The following CFAP161 variants were observed in gnomAD, a reference collection of about 807,000 sequenced individuals.
The protein encoded by CFAP161 is cilia- and flagella-associated protein 161.
A neutral mutation model predicts 29.0 loss-of-function variants in CFAP161; 25 were observed. That is an observed-to-expected ratio of 0.86 (90% CI 0.63 to 1.20). CFAP161 has a LOEUF of 1.20. CFAP161 is among the 50% of genes most tolerant of loss of function. The probability of loss-of-function intolerance (pLI) is 0.00; values close to 1 mark genes in which losing one functional copy is unlikely to be tolerated. For synonymous variants in CFAP161, 116 were observed against 137.4 expected (o/e 0.84, Z 1.09); for missense variants, 367 against 371.9 (o/e 0.99, Z 0.11).
chr15:81,123,552 T>C (rs1420816776), intron 1 of CFAP161, among the ~76,000 whole-genome samples: 1 of 152,218 alleles, frequency 6.6e-6, no homozygotes, highest in Non-Finnish European at 1.5e-5. Flanking sequence ...AATTTTAAAA[T>C]AGTTTTTTTC....
Position 81,148,362 on chromosome 15 carries a change from G to T in CFAP161, c.735G>T (p.Glu245Asp), listed in dbSNP as rs201697249. The T allele has an allele frequency of 6.2e-7, 1 of 1,612,926 alleles. No homozygotes were observed. The highest frequency in any genetic ancestry group is 1.3e-5 in the African/African-American group (1 of 75,032). Residue 245 changes from glutamate (E) to aspartate (D), a missense_variant, in exon 7 of 7, where the codon GAG (glutamate) becomes GAT (aspartate). Coordinates refer to ENST00000286732, the MANE Select transcript of CFAP161 (RefSeq NM_173528.4). ...FLSTYFGKEA[E>D]VVAHTYLDSH... ...GCACCTATTTTGGAAAGGAGGCTGAGGTTGTAGCTCACACATACCTGGATT... is the reference window on the plus strand; with the variant it reads ...GCACCTATTTTGGAAAGGAGGCTGATGTTGTAGCTCACACATACCTGGATT...
intron 5 of CFAP161, among the ~76,000 whole-genome samples, chr15:81,144,693 G>A (rs1894976142): frequency 6.6e-6 from 1 of 151,886 alleles, no homozygotes; most frequent in Admixed American, 6.6e-5. Flanking sequence ...AGGCTGAGGT[G>A]GGAGGATCAC....
At chr15:81,132,567 A>G (rs1894726256), upstream of CFAP161, among the ~76,000 whole-genome samples, 1 of 152,210 alleles carries the variant, frequency 6.6e-6, no homozygotes, top group East Asian at 1.9e-4. Flanking sequence ...AATTGTATAA[A>G]ACACTATGTA....
At chr15:81,116,403 C>T (rs906267821) in intron 1 of CFAP161, among the ~76,000 whole-genome samples, 2 of 152,226 alleles carry the variant, frequency 1.3e-5, no homozygotes, top group African/African-American at 2.4e-5. Flanking sequence ...AAGTGATTCT[C>T]CTGCCTCAGT....
chr15:81,124,146 C>T (rs1158933814), intron 1 of CFAP161, among the ~76,000 whole-genome samples: 1 of 152,112 alleles, frequency 6.6e-6, no homozygotes, highest in Non-Finnish European at 1.5e-5. Context: ...TCCAGTATTC[C>T]CCTTTCAGTA....
At chr15:81,137,486 CT>C (rs1437647302) in intron 3 of CFAP161, among the ~76,000 whole-genome samples, 1 of 152,132 alleles carries the variant, frequency 6.6e-6, no homozygotes, top group Non-Finnish European at 1.5e-5. Flanking sequence ...ATTCCAGCTA[CT>C]TGTGTCACTG....
intron 4 of CFAP161, 132 bp from the exon 5 acceptor site, chr15:81,143,530 A>C: frequency 1.9e-6 from 2 of 1,031,388 alleles, no homozygotes; most frequent in Non-Finnish European, 2.9e-6. Flanking sequence ...GTGCTTTCTC[A>C]TACAATCAGT....
intron 1 of CFAP161, among the ~76,000 whole-genome samples, chr15:81,125,948 C>T (rs1049241013): frequency 3.3e-5 from 5 of 152,176 alleles, no homozygotes; most frequent in African/African-American, 1.2e-4. Flanking sequence ...CAGCTTACTG[C>T]AACCTCCGTC....
chr15:81,112,194 G>GTTT (rs199789346), intron 1 of CFAP161, among the ~76,000 whole-genome samples: 7 of 144,600 alleles, frequency 4.8e-5, no homozygotes, highest in African/African-American at 1.3e-4. Flanking sequence ...GCTTCAATCT[G>GTTT]TTTTTTTTTT....
intron 5 of CFAP161, among the ~76,000 whole-genome samples, chr15:81,144,194 C>T (rs192828022): frequency 3.3e-5 from 5 of 152,346 alleles, no homozygotes; most frequent in East Asian, 1.9e-4. Flanking sequence ...AAAGCTCAGG[C>T]CCTGCCCCTG....
intron 5 of CFAP161, 66 bp from the exon 6 acceptor site, chr15:81,147,792 C>A: frequency 7.9e-7 from 1 of 1,273,048 alleles, no homozygotes; most frequent in Non-Finnish European, 1.1e-6. Context: ...TTTAGGTAAG[C>A]TTTTCCCTAA....
chr15:81,133,721 C>G (rs922552413), upstream of CFAP161, among the ~76,000 whole-genome samples: 1 of 152,072 alleles, frequency 6.6e-6, no homozygotes, highest in African/African-American at 2.4e-5. Flanking sequence ...AGGATGCTGT[C>G]AAGTCCGCAA....
intron 1 of CFAP161, among the ~76,000 whole-genome samples, chr15:81,099,983 C>T (rs1043661035): frequency 1.3e-5 from 2 of 151,956 alleles, no homozygotes; most frequent in Non-Finnish European, 2.9e-5. Context: ...TAGGAATGAT[C>T]TTTGCCTCAT....
At chr15:81,108,052 G>A (rs1277910634) in intron 1 of CFAP161, among the ~76,000 whole-genome samples, 1 of 152,052 alleles carries the variant, frequency 6.6e-6, no homozygotes, top group Non-Finnish European at 1.5e-5. Flanking sequence ...ATCAGCTTAA[G>A]GGAACCGGAG....
chr15:81,141,852 G>A (rs1026258670), intron 4 of CFAP161, among the ~76,000 whole-genome samples: 3 of 151,772 alleles, frequency 2.0e-5, no homozygotes, highest in Admixed American at 2.0e-4. Context: ...ACCTGGCTAA[G>A]TTTTGTATTT....
rs762986010 is a variant in CFAP161, at chr15:81,126,644, A to G, written c.-141-946A>G. ...TGAGCTCAAGATTTTGACCTGTTTGATCTGAGAGCCTAATTTTTATAAATA... is the reference window on the plus strand; with the variant it reads ...TGAGCTCAAGATTTTGACCTGTTTGGTCTGAGAGCCTAATTTTTATAAATA... On this transcript the variant is annotated intron_variant, in intron 1 of 4. Transcript: ENST00000560091. Among the ~76,000 whole-genome samples the G allele has an allele frequency of 1.4e-4, 22 of 152,248 alleles. No individual in the cohort carries two copies. The South Asian group carries it at 2.1e-3, about 14-fold the overall frequency.
intron 1 of CFAP161, among the ~76,000 whole-genome samples, chr15:81,126,559 G>A (rs1894643634): frequency 6.6e-6 from 1 of 151,966 alleles, no homozygotes. Flanking sequence ...TTTCCTTTTG[G>A]CCTCAGTGTA....
intron 1 of CFAP161, among the ~76,000 whole-genome samples, chr15:81,121,831 C>T (rs1448378480): frequency 6.6e-6 from 1 of 152,064 alleles, no homozygotes; most frequent in Non-Finnish European, 1.5e-5. Context: ...AGCCTAGTAT[C>T]CATTAGTTAT....
chr15:81,143,154 TA>T (rs1300951962), intron 4 of CFAP161, among the ~76,000 whole-genome samples: 1 of 149,404 alleles, frequency 6.7e-6, no homozygotes, highest in African/African-American at 2.5e-5. Context: ...CTACAACAAA[TA>T]AAAAAAAATC....
Sources: gnomAD v4.1 joint callset for allele counts (sites outside exome capture counted in the v4.1 genomes callset) on GRCh38, gnomAD v4.1.1 for gene constraint, MANE v1.5 for transcripts, NCBI Gene and HGNC (gene_info 2026-07-23, HGNC 2026-07-21) for gene names.